Variants in ATOSA observed in about 807,000 individuals in gnomAD.
ATOSA encodes the protein atos homolog protein A.
the ATOSA span, among the ~76,000 whole-genome samples, chr15:52,662,420 A>G: frequency 6.6e-6 from 1 of 152,206 alleles, no homozygotes; most frequent in South Asian, 2.1e-4. Flanking sequence ...TTTAACACAC[A>G]GCTATTTCAA....
the ATOSA span, among the ~76,000 whole-genome samples, chr15:52,665,939 TA>T: frequency 6.6e-6 from 1 of 151,952 alleles, no homozygotes; most frequent in African/African-American, 2.4e-5. Flanking sequence ...TTACATTAGG[TA>T]AAAAAAGTTT....
chr15:52,624,061 T>C, the ATOSA span, among the ~76,000 whole-genome samples: 1,832 of 152,254 alleles, frequency 0.012, 21 homozygotes, highest in African/African-American at 0.034. Flanking sequence ...TTGCTTTTTA[T>C]CCCCAAAACA....
chr15:52,593,513 G>C, the ATOSA span: 1 of 1,417,750 alleles, frequency 7.1e-7, no homozygotes, highest in Non-Finnish European at 9.5e-7. Context: ...CTGCATCAAA[G>C]CACTTAAATT....
chr15:52,642,387 G>A, the ATOSA span, among the ~76,000 whole-genome samples: 55 of 152,274 alleles, frequency 3.6e-4, no homozygotes, highest in Middle Eastern at 6.8e-3. Flanking sequence ...GTGAGCCTCA[G>A]CAAACTCACA....
chr15:52,658,298 C>A, the ATOSA span: 2 of 152,720 alleles, frequency 1.3e-5, no homozygotes, highest in Non-Finnish European at 1.5e-5. Flanking sequence ...TAAGGATTCA[C>A]AATGTACAAA....
the ATOSA span, among the ~76,000 whole-genome samples, chr15:52,621,272 C>T: frequency 1.3e-5 from 2 of 152,182 alleles, no homozygotes; most frequent in Admixed American, 6.5e-5. Flanking sequence ...TCTGTGGAAT[C>T]ACAAGCATAT....
the ATOSA span, among the ~76,000 whole-genome samples, chr15:52,673,904 T>C: frequency 6.6e-6 from 1 of 152,186 alleles, no homozygotes; most frequent in Non-Finnish European, 1.5e-5. Flanking sequence ...AAATTTGTAA[T>C]ATAGCCAAAT....
the ATOSA span, among the ~76,000 whole-genome samples, chr15:52,638,762 C>T: frequency 4.4e-4 from 66 of 149,292 alleles, no homozygotes; most frequent in African/African-American, 1.4e-3. Flanking sequence ...AGGTTGTATG[C>T]GTGTGGAAAC....
chr15:52,694,345 T>C, the ATOSA span, among the ~76,000 whole-genome samples: 1 of 152,070 alleles, frequency 6.6e-6, no homozygotes, highest in African/African-American at 2.4e-5. Context: ...TCTGCATTTT[T>C]AGTAGAGACA....
At chr15:52,676,491 G>A in the ATOSA span, among the ~76,000 whole-genome samples, 1 of 151,798 alleles carries the variant, frequency 6.6e-6, no homozygotes, top group Non-Finnish European at 1.5e-5. Context: ...CTAAGTAAAA[G>A]ATTACTTACA....
At chr15:52,669,385 TAAAC>T in the ATOSA span, among the ~76,000 whole-genome samples, 4 of 152,150 alleles carry the variant, frequency 2.6e-5, no homozygotes, top group Non-Finnish European at 4.4e-5. Context: ...AAGACCAAAA[TAAAC>T]AAAAAGAAGT....
chr15:52,611,250 C>T, the ATOSA span: 1 of 1,611,612 alleles, frequency 6.2e-7, no homozygotes, highest in Non-Finnish European at 8.5e-7. Flanking sequence ...AAATCGGTCA[C>T]CATTCCTAAG....
At chr15:52,703,256 G>T in the ATOSA span, among the ~76,000 whole-genome samples, 1 of 152,018 alleles carries the variant, frequency 6.6e-6, no homozygotes, top group African/African-American at 2.4e-5. Context: ...GGTAGAGGGA[G>T]GAATTTATTT....
the ATOSA span, among the ~76,000 whole-genome samples, chr15:52,623,798 T>C: frequency 6.6e-6 from 1 of 152,190 alleles, no homozygotes; most frequent in Non-Finnish European, 1.5e-5. Flanking sequence ...AAACGATAAA[T>C]GCAAAAGTCT....
chr15:52,627,121 A>G, the ATOSA span, among the ~76,000 whole-genome samples: 28 of 152,260 alleles, frequency 1.8e-4, no homozygotes, highest in East Asian at 5.0e-3. Flanking sequence ...GCCATATTTG[A>G]TAGACTCCTC....
the ATOSA span, among the ~76,000 whole-genome samples, chr15:52,694,822 T>G: frequency 6.6e-6 from 1 of 152,160 alleles, no homozygotes; most frequent in Non-Finnish European, 1.5e-5. Flanking sequence ...AAAAAATCTA[T>G]TATACCTTTT....
the ATOSA span, among the ~76,000 whole-genome samples, chr15:52,604,815 A>C: frequency 6.6e-6 from 1 of 152,212 alleles, no homozygotes. Context: ...TAACTTGCAG[A>C]TGACCCAGTT....
At chr15:52,600,967 T>C in the ATOSA span, 1 of 692,662 alleles carries the variant, frequency 1.4e-6, no homozygotes, top group Non-Finnish European at 2.5e-6. Context: ...CATGGTATCA[T>C]ACTCTAAATA....
At chr15:52,655,305 C>T in the ATOSA span, among the ~76,000 whole-genome samples, 2,707 of 152,236 alleles carry the variant, frequency 0.018, 86 homozygotes, top group African/African-American at 0.062. Context: ...ACGACAGCCT[C>T]ATTATACCTC....
Sources: allele counts gnomAD v4.1 joint callset (sites outside exome capture counted in the v4.1 genomes callset), GRCh38; gene constraint gnomAD v4.1.1; transcripts MANE v1.5; gene names NCBI Gene and HGNC (gene_info 2026-07-23, HGNC 2026-07-21).